The following GPC6 variants were observed in gnomAD, a reference collection of about 807,000 sequenced individuals.
GPC6 encodes the protein glypican-6.
Under a neutral mutation model 55.2 loss-of-function variants are expected in GPC6, and 14 were observed. The observed-to-expected ratio is 0.25, with a 90% confidence interval of 0.17 to 0.40. The LOEUF (loss-of-function observed/expected upper bound fraction) is 0.40. GPC6 is among the 10% of genes least tolerant of loss of function. The pLI, the probability that GPC6 is intolerant of heterozygous loss-of-function variation, is 1.00. For synonymous variants in GPC6, 278 were observed against 259.6 expected, an observed-to-expected ratio of 1.07 and a Z score of -0.68; for missense variants, 641 against 708.5, an observed-to-expected ratio of 0.90 and a Z score of 1.08.
intron 6 of GPC6, among the ~76,000 whole-genome samples, chr13:94,353,186 C>T (rs113643378): frequency 1.9e-3 from 282 of 152,174 alleles, no homozygotes; most frequent in African/African-American, 6.4e-3. Context: ...TCACAGAGCG[C>T]GACTTTCTTC....
At chr13:93,647,582 A>C (rs990265152) in intron 2 of GPC6, among the ~76,000 whole-genome samples, 1 of 152,174 alleles carries the variant, frequency 6.6e-6, no homozygotes, top group African/African-American at 2.4e-5. Context: ...GACGTGGATG[A>C]GGCTCACATA....
At chr13:93,958,189 C>A (rs1053853713) in intron 3 of GPC6, among the ~76,000 whole-genome samples, 2 of 152,166 alleles carry the variant, frequency 1.3e-5, no homozygotes, top group African/African-American at 4.8e-5. Context: ...TTGATAGTTT[C>A]TCTGGCTATG....
chr13:93,342,896 T>C (rs1306392206), intron 1 of GPC6, among the ~76,000 whole-genome samples: 1 of 152,234 alleles, frequency 6.6e-6, no homozygotes, highest in East Asian at 1.9e-4. Flanking sequence ...GTTTATGATA[T>C]GATATTGTCA....
At chr13:93,557,844 G>A (rs1459388387) in intron 2 of GPC6, among the ~76,000 whole-genome samples, 1 of 152,044 alleles carries the variant, frequency 6.6e-6, no homozygotes, top group African/African-American at 2.4e-5. Context: ...AAATGTATTG[G>A]TATTTTTTTT....
intron 3 of GPC6, among the ~76,000 whole-genome samples, chr13:93,849,961 C>T (rs1024787032): frequency 6.6e-6 from 1 of 152,030 alleles, no homozygotes; most frequent in Non-Finnish European, 1.5e-5. Flanking sequence ...TCACATTGCA[C>T]ATTTACAATT....
At chr13:93,903,166 T>C (rs1876458876) in intron 3 of GPC6, among the ~76,000 whole-genome samples, 1 of 152,158 alleles carries the variant, frequency 6.6e-6, no homozygotes, top group African/African-American at 2.4e-5. Flanking sequence ...GGCAAGGTTT[T>C]TTTGGATACA....
chr13:93,346,031 G>A (rs1408377554), intron 1 of GPC6, among the ~76,000 whole-genome samples: 1 of 152,104 alleles, frequency 6.6e-6, no homozygotes, highest in Non-Finnish European at 1.5e-5. Context: ...GAAAGCTGCT[G>A]GACTACTTGA....
intron 3 of GPC6, among the ~76,000 whole-genome samples, chr13:93,838,216 A>G (rs1887814577): frequency 6.6e-6 from 1 of 152,206 alleles, no homozygotes; most frequent in South Asian, 2.1e-4. Context: ...TATCACGAAG[A>G]GAGACATTAT....
chr13:93,837,819 G>A (rs913399399), intron 3 of GPC6, among the ~76,000 whole-genome samples: 6 of 152,178 alleles, frequency 3.9e-5, no homozygotes, highest in Non-Finnish European at 7.4e-5. Flanking sequence ...TTGCATAGGT[G>A]TTGGGCAGGT....
intron 2 of GPC6, among the ~76,000 whole-genome samples, chr13:93,827,450 G>A (rs1887305830): frequency 1.3e-5 from 2 of 152,266 alleles, no homozygotes; most frequent in Non-Finnish European, 2.9e-5. Flanking sequence ...CATTAGCTTT[G>A]CCTCAGTACC....
chr13:94,149,575 A>G (rs962767224), intron 4 of GPC6, among the ~76,000 whole-genome samples: 27 of 152,174 alleles, frequency 1.8e-4, no homozygotes, highest in African/African-American at 4.1e-4. Context: ...AGAGCCCACA[A>G]TGAGGGTCAG....
intron 2 of GPC6, among the ~76,000 whole-genome samples, chr13:93,588,367 AGTGTGTGTGTGT>A (rs71123497): frequency 0.12 from 18,165 of 150,408 alleles, 2,451 homozygotes; most frequent in African/African-American, 0.33. Context: ...GTGGCTATTA[AGTGTGTGTGTGT>A]GTGTGTGTGT....
intron 3 of GPC6, among the ~76,000 whole-genome samples, chr13:93,841,250 T>C (rs1031693773): frequency 6.6e-6 from 1 of 152,168 alleles, no homozygotes; most frequent in African/African-American, 2.4e-5. Flanking sequence ...TATATTGCCT[T>C]AATAGTGCTG....
intron 2 of GPC6, among the ~76,000 whole-genome samples, chr13:93,712,299 C>A (rs1053444692): frequency 5.9e-5 from 9 of 151,630 alleles, no homozygotes. Flanking sequence ...AAGATATGTC[C>A]TTTCAGATTA....
intron 1 of GPC6, among the ~76,000 whole-genome samples, chr13:93,385,318 G>T (rs1435572496): frequency 6.6e-6 from 1 of 152,266 alleles, no homozygotes; most frequent in African/African-American, 2.4e-5. Context: ...GTTGGCAGGG[G>T]CCCTGTCATG....
chr13:93,839,880 T>C (rs1887884945), intron 3 of GPC6, among the ~76,000 whole-genome samples: 1 of 152,196 alleles, frequency 6.6e-6, no homozygotes. Flanking sequence ...AGTATTTAGT[T>C]AAGGATTTTA....
At chr13:93,574,897 G>C (rs1876584448) in intron 2 of GPC6, among the ~76,000 whole-genome samples, 1 of 152,070 alleles carries the variant, frequency 6.6e-6, no homozygotes, top group Non-Finnish European at 1.5e-5. Flanking sequence ...CTTTTATTTT[G>C]TTAATGTCAA....
intron 4 of GPC6, among the ~76,000 whole-genome samples, chr13:94,077,924 C>T (rs1053226025): frequency 1.3e-5 from 2 of 151,736 alleles, no homozygotes; most frequent in African/African-American, 4.8e-5. Context: ...ACCCAAAAGA[C>T]ATATATAGAA....
intron 1 of GPC6, among the ~76,000 whole-genome samples, chr13:93,270,929 G>A (rs576078753): frequency 6.6e-6 from 1 of 152,274 alleles, no homozygotes; most frequent in African/African-American, 2.4e-5. Context: ...TAGATCTTAG[G>A]TTGAAAGGGC....
Sources: allele counts gnomAD v4.1 joint callset (sites outside exome capture counted in the v4.1 genomes callset), GRCh38; gene constraint gnomAD v4.1.1; transcripts MANE v1.5; gene names NCBI Gene and HGNC (gene_info 2026-07-23, HGNC 2026-07-21).